Variants in EIF4E observed in about 807,000 individuals in gnomAD.
EIF4E encodes eIF-4F 25 kDa subunit.
For synonymous variants in EIF4E, 71 were observed against 88.5 expected, an observed-to-expected ratio of 0.80 and a Z score of 1.11; for missense variants, 113 against 265.6, an observed-to-expected ratio of 0.43 and a Z score of 3.99.
intron 6 of EIF4E, among the ~76,000 whole-genome samples, chr4:98,884,171 C>T (rs930543283): frequency 3.3e-5 from 5 of 152,040 alleles, no homozygotes; most frequent in Non-Finnish European, 7.4e-5. Flanking sequence ...GAAAATTATA[C>T]GTAGTAAACA....
chr4:98,888,059 G>A (rs1001154013), intron 3 of EIF4E, 107 bp from the exon 4 acceptor site: 2 of 968,736 alleles, frequency 2.1e-6, no homozygotes, highest in African/African-American at 3.3e-5. Flanking sequence ...ACAGATAAAA[G>A]TTCATGTTTA....
chr4:98,924,338 A>C (rs1001799832), intron 1 of EIF4E, among the ~76,000 whole-genome samples: 13 of 152,128 alleles, frequency 8.5e-5, no homozygotes, highest in Admixed American at 2.6e-4. Context: ...CGGCCTCCCA[A>C]AGTGCTGGGA....
Position 98,918,076 on chromosome 4 carries a change from T to C in EIF4E, c.18+11019A>G, listed in dbSNP as rs186886922. Among the ~76,000 whole-genome samples, 90 of 147,206 alleles carry C rather than the reference T, an allele frequency of 6.1e-4. 1 individual carries two copies. The highest frequency in any genetic ancestry group is 1.1e-3 in the Non-Finnish European group (76 of 66,992). ...GTGAGACCCTGTCTCAAAAAAATTT[T>C]TTTTTGCCAGGTGTGGTGGCTCACG... is the stretch of plus-strand genomic sequence containing the variant. On this transcript the variant is annotated intron_variant, in intron 1 of 6. Transcript: ENST00000450253.
At chr4:98,903,356 A>G in intron 1 of EIF4E, 1 of 416,666 alleles carries the variant, frequency 2.4e-6, no homozygotes, top group Admixed American at 3.1e-5. Flanking sequence ...TTGAAAGAAT[A>G]TGGGTTTTTT....
intron 1 of EIF4E, among the ~76,000 whole-genome samples, chr4:98,919,459 C>T (rs1233170061): frequency 6.6e-6 from 1 of 151,624 alleles, no homozygotes; most frequent in East Asian, 1.9e-4. Context: ...AATCATGTAT[C>T]TAACCAAACT....
intron 2 of EIF4E, among the ~76,000 whole-genome samples, chr4:98,898,903 A>G (rs1340091227): frequency 2.0e-5 from 3 of 152,128 alleles, no homozygotes; most frequent in South Asian, 4.1e-4. Flanking sequence ...TAAATAAAAT[A>G]TCATACATCC....
chr4:98,923,393 G>A (rs1725734686), intron 1 of EIF4E, among the ~76,000 whole-genome samples: 1 of 151,616 alleles, frequency 6.6e-6, no homozygotes, highest in Non-Finnish European at 1.5e-5. Flanking sequence ...ACAGCTCACT[G>A]CAGCTCTGAC....
chr4:98,927,875 AAC>A lies in EIF4E; in HGVS notation c.18+1218_18+1219del, dbSNP rs1721265333. 2.0e-5 allele frequency among the ~76,000 whole-genome samples: 3 copies of A among 152,190 alleles called. No homozygotes were observed. The South Asian group carries it at 6.2e-4, about 32-fold the overall frequency. ...TTAGCTGTGTCGTTTCTAAAAAGGC[AAC>A]AGGGCCCAGAAGTTTCAGTGAGCCA... On this transcript the variant is annotated intron_variant, in intron 1 of 6. Coordinates refer to ENST00000450253, the MANE Select transcript of EIF4E (RefSeq NM_001968.5).
At chr4:98,899,866 T>C (rs1724574747) in intron 2 of EIF4E, among the ~76,000 whole-genome samples, 1 of 152,094 alleles carries the variant, frequency 6.6e-6, no homozygotes, top group Non-Finnish European at 1.5e-5. Context: ...AAGTAAATAA[T>C]GAGAAAACTG....
rs147707384 is a variant in EIF4E, at chr4:98,922,931, T to C, written c.18+6164A>G. On this transcript the variant is annotated intron_variant, in intron 1 of 6. Coordinates refer to ENST00000450253, the MANE Select transcript of EIF4E (RefSeq NM_001968.5). ...TGGCAGACATAGGCTCACCGCAACC[T>C]CCACCTCCCAGGTTCAAACGATTCT... 7.4e-3 allele frequency among the ~76,000 whole-genome samples: 1,109 copies of C among 149,710 alleles called. 18 individuals are homozygous for C. The highest frequency in any genetic ancestry group is 0.026 in the African/African-American group (1,073 of 40,762).
chr4:98,909,879 C>CA, intron 1 of EIF4E: 1 of 623,194 alleles, frequency 1.6e-6, no homozygotes, highest in Admixed American at 2.7e-5. Flanking sequence ...AAGGGTGGGA[C>CA]AGAGAGCCAG....
intron 1 of EIF4E, among the ~76,000 whole-genome samples, chr4:98,908,224 A>T (rs112970037): frequency 6.4e-4 from 98 of 152,306 alleles, no homozygotes; most frequent in African/African-American, 2.0e-3. Context: ...ATATGAAAAG[A>T]GAAAGAACTC....
rs1388747352 is a variant in EIF4E, at chr4:98,881,086, G to C, written c.596C>G (p.Ser199Cys). Residue 199 changes from serine (S) to cysteine (C), a missense_variant, in exon 7 of 7, where the codon TCC (serine) becomes TGC (cysteine). By Grantham distance (112) the Ser-to-Cys change is moderately radical (BLOSUM62 -1). Transcript: ENST00000450253. ...GCTCTTAGTAGCTGTGTCTGCGTGGGACTGATAACCAATCACTATCTTTGG... is the reference window on the plus strand; with the variant it reads ...GCTCTTAGTAGCTGTGTCTGCGTGGCACTGATAACCAATCACTATCTTTGG... ...LPPKIVIGYQ[S>C]HADTATKSGS... 1.2e-6 allele frequency: 2 copies of C among 1,612,442 alleles called. No individual in the cohort carries two copies. The highest frequency in any genetic ancestry group is 2.7e-5 in the African/African-American group (2 of 74,600).
chr4:98,898,565 G>A (rs1388680586), intron 2 of EIF4E, among the ~76,000 whole-genome samples: 11 of 149,334 alleles, frequency 7.4e-5, no homozygotes, highest in Non-Finnish European at 1.2e-4. Context: ...GCGACAGGGC[G>A]AGACTCCGAA....
chr4:98,886,979 C>G (rs1365575830), intron 5 of EIF4E, 100 bp downstream of exon 5: 22 of 1,238,756 alleles, frequency 1.8e-5, no homozygotes, highest in Middle Eastern at 2.7e-4. Flanking sequence ...TGTTGGGCAT[C>G]CTTCTCTTAA....
At position 98,887,606 on chromosome 4, in the gene EIF4E, C is replaced by G. The variant is rs1360049383; in HGVS notation, c.285+283G>C. On this transcript the variant is annotated intron_variant, in intron 4 of 6. Transcript: ENST00000450253. This position sits in a 1 kb window ranked among gnomAD's most constrained non-coding sequence, Gnocchi z 4.0. ...ACCCATGCTCCTAAGGTTAAGAATG[C>G]TTGATAAACTCAGTCTGCTCAAATA... 6.6e-6 allele frequency among the ~76,000 whole-genome samples: 1 copy of G among 152,168 alleles called. No homozygotes were observed. Among genetic ancestry groups the G allele is most frequent in the Non-Finnish European group, 1.5e-5 (1 of 68,016 alleles).
chr4:98,928,623 C>T (rs1721332736), intron 1 of EIF4E, among the ~76,000 whole-genome samples: 1 of 152,080 alleles, frequency 6.6e-6, no homozygotes, highest in Non-Finnish European at 1.5e-5. Flanking sequence ...CGCCCCGCAC[C>T]CGAGCCCCGG....
intron 1 of EIF4E, among the ~76,000 whole-genome samples, chr4:98,917,091 C>T (rs1257786059): frequency 6.6e-5 from 4 of 61,034 alleles, no homozygotes; most frequent in African/African-American, 4.8e-4. Context: ...TAAACACACA[C>T]ACACACACAC....
intron 2 of EIF4E, among the ~76,000 whole-genome samples, chr4:98,896,892 A>C (rs1169671558): frequency 6.6e-6 from 1 of 152,048 alleles, no homozygotes; most frequent in African/African-American, 2.4e-5. Flanking sequence ...CGGAAGGTGA[A>C]GGCTGCAGTG....
Sources: gnomAD v4.1 joint callset for allele counts (sites outside exome capture counted in the v4.1 genomes callset) on GRCh38, gnomAD v4.1.1 for gene constraint, Gnocchi (gnomAD v3.1) non-coding constraint, MANE v1.5 for transcripts, NCBI Gene and HGNC (gene_info 2026-07-23, HGNC 2026-07-21) for gene names.